The following DIAPH2 variants were observed in gnomAD, a reference collection of about 807,000 sequenced individuals.
DIAPH2 encodes protein diaphanous homolog 2.
Under a neutral mutation model 92.7 loss-of-function variants are expected in DIAPH2, and 35 were observed. The ratio of observed to expected loss-of-function variants is 0.38; its 90% CI spans 0.29 to 0.50. DIAPH2 has a LOEUF of 0.50. Among genes scored for constraint, DIAPH2 ranks in the 20% least tolerant of loss-of-function variants. The probability of loss-of-function intolerance (pLI) is 0.94; values close to 1 mark genes in which losing one functional copy is unlikely to be tolerated. For missense variants in DIAPH2, 701 were observed against 819.5 expected (o/e 0.86, Z 1.77); for synonymous variants, 301 against 280.4 (o/e 1.07, Z -0.73).
intron 25 of DIAPH2, among the ~76,000 whole-genome samples, chrX:97,384,394 T>C (rs978438612): frequency 2.7e-5 from 3 of 112,172 alleles, no homozygotes; most frequent in Non-Finnish European, 5.6e-5. Context: ...TAACTTCATT[T>C]TGTTGGCACA....
At chrX:97,306,107 G>T (rs1278932020) in intron 23 of DIAPH2, among the ~76,000 whole-genome samples, 1 of 110,559 alleles carries the variant, frequency 9.0e-6, no homozygotes, top group Non-Finnish European at 1.9e-5. Context: ...CTAGCAAAGT[G>T]TCATTAAAGG....
At chrX:97,123,589 A>G (rs1173633034) in intron 21 of DIAPH2, among the ~76,000 whole-genome samples, 1 of 112,116 alleles carries the variant, frequency 8.9e-6, no homozygotes, top group Non-Finnish European at 1.9e-5. Context: ...TAATAGTAGA[A>G]GATTGCTTCA....
intron 26 of DIAPH2, among the ~76,000 whole-genome samples, chrX:97,529,305 G>T (rs961865799): frequency 9.0e-6 from 1 of 111,708 alleles, no homozygotes; most frequent in African/African-American, 3.3e-5. Flanking sequence ...TGAGCTGTCA[G>T]TGGGGGACAA....
chrX:96,957,952 C>T lies in DIAPH2; in HGVS notation c.1739C>T (p.Pro580Leu). 8 of 1,210,593 alleles carry T rather than the reference C, an allele frequency of 6.6e-6. No homozygotes were observed. Among genetic ancestry groups the T allele is most frequent in the Non-Finnish European group, 8.9e-6 (8 of 894,988 alleles). ...PLPGGAPLPP[P>L]PPPLPGMMGI... ...CCCGGAGGAGCTCCTCTTCCTCCTC[C>T]ACCACCTCCTTTACCTGGAATGATG... The change falls in exon 16 of 27, where the codon CCA (proline) becomes CTA (leucine). Residue 580 changes from proline (P) to leucine (L), a missense_variant. Around this residue, in one of 3 missense-constraint regions of DIAPH2, gnomAD observed 536 missense variants for 599.3 expected, o/e 0.89. Transcript: ENST00000324765.
chrX:96,843,815 C>T (rs777076835), intron 4 of DIAPH2, among the ~76,000 whole-genome samples: 13 of 111,401 alleles, frequency 1.2e-4, no homozygotes, highest in East Asian at 2.8e-4. Flanking sequence ...GGACCCTCCC[C>T]GTTATCTGCC....
At chrX:97,239,758 C>T (rs142695743) in intron 22 of DIAPH2, among the ~76,000 whole-genome samples, 2,510 of 109,714 alleles carry the variant, frequency 0.023, 28 homozygotes, top group Middle Eastern at 0.042. Flanking sequence ...CAAAGGCAAG[C>T]ATTTCTAACC....
intron 26 of DIAPH2, among the ~76,000 whole-genome samples, chrX:97,533,590 C>T (rs1381800016): frequency 1.8e-5 from 2 of 110,778 alleles, no homozygotes; most frequent in Non-Finnish European, 3.8e-5. Flanking sequence ...GTCTCTCTGT[C>T]CCTCACTGGT....
chrX:97,146,006 C>CTTTT (rs2067244468), intron 22 of DIAPH2, among the ~76,000 whole-genome samples: 1 of 35,872 alleles, frequency 2.8e-5, no homozygotes, highest in Non-Finnish European at 5.9e-5. Flanking sequence ...TTTTCTTCTT[C>CTTTT]CTTTTTTTTT....
intron 26 of DIAPH2, among the ~76,000 whole-genome samples, chrX:97,538,008 C>T (rs1483256302): frequency 1.8e-5 from 2 of 108,804 alleles, no homozygotes; most frequent in Admixed American, 9.8e-5. Flanking sequence ...CCTCAGCCTC[C>T]CCAGTAGCTG....
At chrX:97,152,826 T>C (rs1602377661) in intron 22 of DIAPH2, among the ~76,000 whole-genome samples, 1 of 112,601 alleles carries the variant, frequency 8.9e-6, no homozygotes, top group East Asian at 2.8e-4. Context: ...GGGGACACAT[T>C]CAAACAACAG....
intron 26 of DIAPH2, among the ~76,000 whole-genome samples, chrX:97,532,414 G>A (rs778507807): frequency 4.5e-5 from 5 of 112,357 alleles, no homozygotes; most frequent in African/African-American, 1.6e-4. Context: ...TTCTAGTCTA[G>A]GCCAAATCTT....
At chrX:96,994,015 G>C (rs1036022555) in intron 17 of DIAPH2, among the ~76,000 whole-genome samples, 1 of 111,547 alleles carries the variant, frequency 9.0e-6, no homozygotes. Flanking sequence ...ACTGGTAAAG[G>C]ATCTTTTTAC....
chrX:97,260,344 A>G (rs745495148), intron 23 of DIAPH2, among the ~76,000 whole-genome samples: 1 of 112,631 alleles, frequency 8.9e-6, no homozygotes, highest in Non-Finnish European at 1.9e-5. Context: ...GCAGGTGATA[A>G]GGAAGAGATT....
chrX:97,051,316 G>A (rs1190321477), intron 17 of DIAPH2, among the ~76,000 whole-genome samples: 1 of 110,181 alleles, frequency 9.1e-6, no homozygotes, highest in Non-Finnish European at 1.9e-5. Flanking sequence ...CAGGTGGTTT[G>A]GGGAATATTT....
intron 4 of DIAPH2, among the ~76,000 whole-genome samples, chrX:96,858,158 C>A (rs1292575797): frequency 9.0e-6 from 1 of 111,577 alleles, no homozygotes; most frequent in Non-Finnish European, 1.9e-5. Flanking sequence ...TCATTTGATT[C>A]CCTTGAAGTA....
In DIAPH2 at chrX:96,836,705, AT is replaced by A. The variant is rs1337794112; in HGVS notation, c.448-44873del. Among the ~76,000 whole-genome samples, 20 of 21,954 alleles carry A rather than the reference AT, an allele frequency of 9.1e-4. 1 individual carries two copies. Among genetic ancestry groups the A allele is most frequent in the African/African-American group, 3.9e-3 (20 of 5,156 alleles). 19.1% of individuals were successfully genotyped at this position (21,954 alleles called of 115,157 possible). On this transcript the variant is annotated intron_variant, in intron 4 of 26. Coordinates refer to ENST00000324765, the MANE Select transcript of DIAPH2 (RefSeq NM_006729.5). ...TACAGGTATATATATATATATATATATATATATATATATTTTTTTTTTTTTT... is the reference window on the plus strand; with the variant it reads ...TACAGGTATATATATATATATATATAATATATATATATTTTTTTTTTTTTT...
Position 97,230,912 on chromosome X carries a change from G to T in DIAPH2, c.2720-16803G>T, listed in dbSNP as rs138544498. Among the ~76,000 whole-genome samples the T allele has an allele frequency of 2.9e-3, 322 of 112,230 alleles. 1 individual carries two copies. The highest frequency in any genetic ancestry group is 9.8e-3 in the African/African-American group (304 of 30,923). On this transcript the variant is annotated intron_variant, in intron 22 of 26. Coordinates refer to ENST00000324765, the MANE Select transcript of DIAPH2 (RefSeq NM_006729.5). ...AGGTGATATTATTCCTGTTCTACAG[G>T]TATGAAAACTGAGACTCAAAGTGGT...
intron 23 of DIAPH2, among the ~76,000 whole-genome samples, chrX:97,298,234 G>GT (rs753905645): frequency 0.17 from 15,142 of 88,457 alleles, 1,281 homozygotes; most frequent in Non-Finnish European, 0.2. Context: ...AGTTTTTCAG[G>GT]TTTTTTTTTT....
chrX:97,554,210 G>T (rs1011156696), intron 26 of DIAPH2, among the ~76,000 whole-genome samples: 3 of 111,380 alleles, frequency 2.7e-5, no homozygotes, highest in Non-Finnish European at 5.7e-5. Flanking sequence ...AGATATATAT[G>T]ATCTATAGCA....
Sources: allele counts gnomAD v4.1 joint callset (sites outside exome capture counted in the v4.1 genomes callset), GRCh38; gene constraint gnomAD v4.1.1; regional missense constraint gnomAD v4.1.1; transcripts MANE v1.5; gene names NCBI Gene and HGNC (gene_info 2026-07-23, HGNC 2026-07-21).